The following PARD3 variants were observed in gnomAD, a reference collection of about 807,000 sequenced individuals.
PARD3 encodes partitioning defective 3 homolog.
In PARD3, 75 loss-of-function variants were observed where a neutral mutation model predicts 155.4. That is an observed-to-expected ratio of 0.48 (90% CI 0.40 to 0.58). The LOEUF (loss-of-function observed/expected upper bound fraction) is 0.58. Among genes scored for constraint, PARD3 ranks in the 20% least tolerant of loss-of-function variants. PARD3 has a pLI of 0.00. For synonymous variants in PARD3, 576 were observed against 610.5 expected (o/e 0.94, Z 0.83); for missense variants, 1,642 against 1,721.7 (o/e 0.95, Z 0.82).
At chr10:34,723,239 G>C (rs2133749271) in intron 1 of PARD3, among the ~76,000 whole-genome samples, 1 of 152,280 alleles carries the variant, frequency 6.6e-6, no homozygotes, top group South Asian at 2.1e-4. Flanking sequence ...AGCTACTTGG[G>C]AGGCTGCGGC....
intron 21 of PARD3, among the ~76,000 whole-genome samples, chr10:34,277,404 C>T (rs1053651259): frequency 2.0e-5 from 3 of 152,108 alleles, no homozygotes; most frequent in Non-Finnish European, 4.4e-5. Context: ...AGGTAAGCTG[C>T]CAGTTTGGTG....
intron 1 of PARD3, among the ~76,000 whole-genome samples, chr10:34,725,908 GTGT>G (rs571200665): frequency 1.3e-3 from 204 of 152,314 alleles, no homozygotes; most frequent in Middle Eastern, 0.01. Flanking sequence ...ATGCGTTTGT[GTGT>G]TGTTGTTTTT....
chr10:34,685,540 C>T (rs745804982), intron 2 of PARD3, among the ~76,000 whole-genome samples: 1 of 151,892 alleles, frequency 6.6e-6, no homozygotes, highest in Non-Finnish European at 1.5e-5. Flanking sequence ...CAGAGTAAAC[C>T]GGTGGCTTAA....
At chr10:34,246,389 GA>G (rs1953952711) in intron 22 of PARD3, among the ~76,000 whole-genome samples, 1 of 152,102 alleles carries the variant, frequency 6.6e-6, no homozygotes, top group South Asian at 2.1e-4. Context: ...TAACCCCTGA[GA>G]AAAGGAAAAA....
chr10:34,384,336 T>C (rs954880856), intron 7 of PARD3, 82 bp from the exon 8 acceptor site: 2 of 1,269,648 alleles, frequency 1.6e-6, no homozygotes, highest in Non-Finnish European at 2.2e-6. Flanking sequence ...GCTGTTATTA[T>C]ATTTACAAAG....
intron 14 of PARD3, among the ~76,000 whole-genome samples, chr10:34,350,811 G>T (rs563087116): frequency 1.3e-5 from 2 of 152,230 alleles, no homozygotes; most frequent in East Asian, 3.8e-4. Context: ...CCATCCCAAG[G>T]AAAGTCTTTC....
In PARD3 at chr10:34,722,581, C is replaced by T. The variant is rs536603258; in HGVS notation, c.121-26162G>A. On this transcript the variant is annotated intron_variant, in intron 1 of 24. Coordinates refer to ENST00000374788, the MANE Select transcript of PARD3 (RefSeq NM_001184785.2). ...AGCACGGTACTCCCTGGGGATGTTC[C>T]GTCTCACTCTCCAGGGCAGGACACT... Among the ~76,000 whole-genome samples, 10 of 152,198 alleles carry T rather than the reference C, an allele frequency of 6.6e-5. No individual in the cohort carries two copies. The South Asian group carries it at 2.1e-3, about 32-fold the overall frequency.
intron 2 of PARD3, among the ~76,000 whole-genome samples, chr10:34,533,750 G>A (rs1034856186): frequency 2.6e-5 from 4 of 151,936 alleles, no homozygotes; most frequent in Non-Finnish European, 5.9e-5. Context: ...AGGTTACAGT[G>A]AGCCAAGATC....
chr10:34,292,259 C>T (rs1477929703), intron 20 of PARD3, among the ~76,000 whole-genome samples: 1 of 152,196 alleles, frequency 6.6e-6, no homozygotes, highest in Non-Finnish European at 1.5e-5. Context: ...CCTCAGCCTC[C>T]ATTTTACAAA....
chr10:34,352,837 G>C lies in PARD3; in HGVS notation c.2068-4722C>G, dbSNP rs540490008. ...TGGGATGTGACGAGCCCCTCTGCCC[G>C]GCTGCCCAGTCTGGGAAGTGAGGAG... On this transcript the variant is annotated intron_variant, in intron 14 of 24. Coordinates refer to ENST00000374788, the MANE Select transcript of PARD3 (RefSeq NM_001184785.2). 1.1e-4 allele frequency among the ~76,000 whole-genome samples: 17 copies of C among 150,148 alleles called. No homozygotes were observed. In the East Asian group the frequency reaches 2.4e-3, roughly 21 times the overall value.
At chr10:34,473,402 C>T (rs148605818) in intron 3 of PARD3, among the ~76,000 whole-genome samples, 1 of 151,948 alleles carries the variant, frequency 6.6e-6, no homozygotes, top group South Asian at 2.1e-4. Context: ...AACAAGTCAA[C>T]GAGGCCAGGT....
chr10:34,172,059 T>C (rs937075275), intron 22 of PARD3, among the ~76,000 whole-genome samples: 1 of 149,694 alleles, frequency 6.7e-6, no homozygotes, highest in East Asian at 2.1e-4. Context: ...TTTTTCCCAA[T>C]CTCTCTACCC....
At chr10:34,601,268 GAAAAAAAA>G (rs61230086) in intron 2 of PARD3, among the ~76,000 whole-genome samples, 1 of 123,168 alleles carries the variant, frequency 8.1e-6, no homozygotes, top group African/African-American at 2.8e-5. Flanking sequence ...TCTCTACAAA[GAAAAAAAA>G]AAAAAAAAGC....
At chr10:34,592,015 G>A (rs1043111352) in intron 2 of PARD3, among the ~76,000 whole-genome samples, 2 of 152,198 alleles carry the variant, frequency 1.3e-5, no homozygotes, top group South Asian at 2.1e-4. Flanking sequence ...TCCAGTAAAC[G>A]CCACCATTCC....
chr10:34,455,317 G>A (rs919721940), intron 4 of PARD3, among the ~76,000 whole-genome samples: 6 of 151,994 alleles, frequency 3.9e-5, no homozygotes, highest in African/African-American at 7.3e-5. Context: ...AAATATTCCC[G>A]TGTGATGTTA....
intron 1 of PARD3, among the ~76,000 whole-genome samples, chr10:34,774,971 T>C (rs1376041488): frequency 6.6e-6 from 1 of 152,210 alleles, no homozygotes; most frequent in African/African-American, 2.4e-5. Flanking sequence ...AGGATTTACA[T>C]CAACACTCAA....
intron 3 of PARD3, among the ~76,000 whole-genome samples, chr10:34,491,516 T>C (rs2079905704): frequency 6.6e-6 from 1 of 152,214 alleles, no homozygotes; most frequent in African/African-American, 2.4e-5. Flanking sequence ...TTGGGAATGA[T>C]AACACATGCA....
chr10:34,712,991 T>G (rs1228542710), intron 1 of PARD3, among the ~76,000 whole-genome samples: 1 of 152,072 alleles, frequency 6.6e-6, no homozygotes, highest in Non-Finnish European at 1.5e-5. Flanking sequence ...GGCAGATCGC[T>G]TTAAGTCAGG....
intron 20 of PARD3, among the ~76,000 whole-genome samples, chr10:34,299,305 C>T (rs1270999857): frequency 6.6e-6 from 1 of 152,200 alleles, no homozygotes; most frequent in Non-Finnish European, 1.5e-5. Flanking sequence ...AAAAGGAAAA[C>T]AACAATCCAT....
Sources: gnomAD v4.1 joint callset for allele counts (sites outside exome capture counted in the v4.1 genomes callset) on GRCh38, gnomAD v4.1.1 for gene constraint, MANE v1.5 for transcripts, NCBI Gene and HGNC (gene_info 2026-07-23, HGNC 2026-07-21) for gene names.